RBMS3: variants seen among roughly 807,000 people sequenced by gnomAD.
RBMS3 encodes the protein RNA-binding motif, single-stranded-interacting protein 3.
In RBMS3, 27 loss-of-function variants were observed where a neutral mutation model predicts 66.8. The ratio of observed to expected loss-of-function variants is 0.40; its 90% CI spans 0.30 to 0.56. RBMS3 has a LOEUF of 0.56. Among genes scored for constraint, RBMS3 ranks in the 20% least tolerant of loss-of-function variants. The probability of loss-of-function intolerance (pLI) is 0.40; values close to 1 mark genes in which losing one functional copy is unlikely to be tolerated. For synonymous variants in RBMS3, 188 were observed against 183.0 expected (o/e 1.03, Z -0.22); for missense variants, 513 against 549.5 (o/e 0.93, Z 0.66).
chr3:29,853,426 T>TTC (rs201433050), intron 6 of RBMS3, among the ~76,000 whole-genome samples: 4,375 of 133,564 alleles, frequency 0.033, 84 homozygotes, highest in Non-Finnish European at 0.047. Flanking sequence ...TTACTTTCTT[T>TTC]TTTTTTTTTT....
intron 4 of RBMS3, among the ~76,000 whole-genome samples, chr3:29,606,550 A>G (rs915298690): frequency 3.9e-5 from 6 of 151,972 alleles, no homozygotes; most frequent in Non-Finnish European, 8.8e-5. Context: ...CTTTGTATAA[A>G]GCATCCATGA....
At chr3:29,728,591 G>C (rs973073643) in intron 4 of RBMS3, among the ~76,000 whole-genome samples, 1 of 152,014 alleles carries the variant, frequency 6.6e-6, no homozygotes, top group Non-Finnish European at 1.5e-5. Flanking sequence ...AGCTAACATG[G>C]CATTAATAAA....
intron 1 of RBMS3, among the ~76,000 whole-genome samples, chr3:29,384,334 A>C (rs78057459): frequency 0.029 from 4,473 of 151,980 alleles, 164 homozygotes; most frequent in African/African-American, 0.082. Context: ...ACAAACAAAC[A>C]AACAAATAAA....
rs141724803 is a variant in RBMS3 at position 29,774,364 on chromosome 3, G to T, written c.637+11375G>T. On this transcript the variant is annotated intron_variant, in intron 6 of 14. Transcript: ENST00000383767. ...AACCGTGATCAGGTCTCCTGTGAGT[G>T]AGCAATCACCGGCCGATTATCACTG... Among the ~76,000 whole-genome samples, 777 of 152,078 alleles carry T rather than the reference G, an allele frequency of 5.1e-3. 7 individuals are homozygous for T. Among genetic ancestry groups the T allele is most frequent in the Non-Finnish European group, 4.5e-3 (306 of 67,984 alleles).
chr3:29,423,251 C>T (rs910857333), intron 1 of RBMS3, among the ~76,000 whole-genome samples: 7 of 152,194 alleles, frequency 4.6e-5, no homozygotes, highest in Non-Finnish European at 8.8e-5. Flanking sequence ...TCTGTACCTA[C>T]AGCTAATCTT....
chr3:29,587,450 T>A (rs1357945798), intron 4 of RBMS3, among the ~76,000 whole-genome samples: 1 of 151,802 alleles, frequency 6.6e-6, no homozygotes, highest in Non-Finnish European at 1.5e-5. Flanking sequence ...CTGGCTTATT[T>A]CATTGTTTCT....
At chr3:29,775,858 G>A (rs2056410402) in intron 6 of RBMS3, among the ~76,000 whole-genome samples, 1 of 151,904 alleles carries the variant, frequency 6.6e-6, no homozygotes, top group Non-Finnish European at 1.5e-5. Context: ...TTCAGAAATA[G>A]TAAAGTCTCC....
intron 6 of RBMS3, among the ~76,000 whole-genome samples, chr3:29,841,370 C>T (rs905817414): frequency 1.3e-5 from 2 of 151,884 alleles, no homozygotes; most frequent in African/African-American, 2.4e-5. Flanking sequence ...CTCTTTTCTA[C>T]GTTTTTTATT....
At chr3:29,588,377 A>G (rs2149095821) in intron 4 of RBMS3, among the ~76,000 whole-genome samples, 1 of 152,170 alleles carries the variant, frequency 6.6e-6, no homozygotes. Flanking sequence ...ATAAGAGTTG[A>G]GTGATAGAAT....
At chr3:29,514,650 CATATATAT>C (rs10601940) in intron 3 of RBMS3, among the ~76,000 whole-genome samples, 61 of 103,680 alleles carry the variant, frequency 5.9e-4, no homozygotes, top group African/African-American at 2.1e-3. Flanking sequence ...GTGATAGGCA[CATATATAT>C]ATATATATAT....
At chr3:29,433,942 A>C (rs1447898684) in intron 1 of RBMS3, among the ~76,000 whole-genome samples, 1 of 152,180 alleles carries the variant, frequency 6.6e-6, no homozygotes, top group Non-Finnish European at 1.5e-5. Flanking sequence ...TTTTTTGGTG[A>C]TCACATCTGG....
chr3:29,591,951 C>A (rs1463340691), intron 4 of RBMS3, among the ~76,000 whole-genome samples: 4 of 151,864 alleles, frequency 2.6e-5, no homozygotes, highest in East Asian at 3.9e-4. Context: ...ACAAAAGAGA[C>A]TAAGTGTCCC....
At chr3:29,490,602 G>A (rs892334576) in intron 3 of RBMS3, among the ~76,000 whole-genome samples, 1 of 152,114 alleles carries the variant, frequency 6.6e-6, no homozygotes, top group East Asian at 1.9e-4. Context: ...AGATGTCAAA[G>A]AGGAAATTGT....
chr3:29,660,528 G>A (rs998911981), intron 4 of RBMS3, among the ~76,000 whole-genome samples: 10 of 152,084 alleles, frequency 6.6e-5, no homozygotes, highest in African/African-American at 2.4e-4. Context: ...TTACTGATAC[G>A]GAGAGACTTA....
At chr3:29,545,458 A>G (rs991441553) in intron 3 of RBMS3, among the ~76,000 whole-genome samples, 1 of 152,192 alleles carries the variant, frequency 6.6e-6, no homozygotes, top group Admixed American at 6.5e-5. Flanking sequence ...GATACTTTCA[A>G]TAAAATCCTA....
intron 1 of RBMS3, among the ~76,000 whole-genome samples, chr3:29,419,884 T>G (rs1324465938): frequency 6.6e-6 from 1 of 152,168 alleles, no homozygotes; most frequent in Non-Finnish European, 1.5e-5. Flanking sequence ...ACTACCAACA[T>G]GATTTTAAGA....
chr3:29,649,330 A>G (rs2050060568), intron 4 of RBMS3, among the ~76,000 whole-genome samples: 1 of 152,226 alleles, frequency 6.6e-6, no homozygotes, highest in Non-Finnish European at 1.5e-5. Flanking sequence ...TTTCCATTTG[A>G]TGGAGTTGTA....
At chr3:29,934,366 T>A (rs1001312796) in intron 10 of RBMS3, among the ~76,000 whole-genome samples, 1 of 151,976 alleles carries the variant, frequency 6.6e-6, no homozygotes, top group African/African-American at 2.4e-5. Flanking sequence ...CTATAATTTA[T>A]CCCTAGGTGA....
intron 4 of RBMS3, among the ~76,000 whole-genome samples, chr3:29,672,425 C>T (rs1223019214): frequency 6.6e-6 from 1 of 152,170 alleles, no homozygotes; most frequent in Non-Finnish European, 1.5e-5. Context: ...GGATCAAATT[C>T]ACACATAACA....
Sources: gnomAD v4.1 joint callset for allele counts (sites outside exome capture counted in the v4.1 genomes callset) on GRCh38, gnomAD v4.1.1 for gene constraint, MANE v1.5 for transcripts, NCBI Gene and HGNC (gene_info 2026-07-23, HGNC 2026-07-21) for gene names.